Variants in TUBB1 observed in about 807,000 individuals in gnomAD.
TUBB1 encodes tubulin beta 1 class VI.
In TUBB1, 28 loss-of-function variants were observed where a neutral mutation model predicts 22.6. That is an observed-to-expected ratio of 1.24 (90% CI 0.92 to 1.70). The LOEUF is 1.70. Ranked by LOEUF, TUBB1 falls within the 40% of genes most tolerant of loss-of-function variation. The pLI is 0.00. For missense variants in TUBB1, 577 were observed against 605.5 expected, an observed-to-expected ratio of 0.95 and a Z score of 0.49; for synonymous variants, 226 against 238.0, an observed-to-expected ratio of 0.95 and a Z score of 0.46.
intron 1 of TUBB1, 116 bp from the exon 2 acceptor site, chr20:59,022,729 T>A: frequency 1.2e-6 from 1 of 856,756 alleles, no homozygotes; most frequent in Non-Finnish European, 2.0e-6. Context: ...CCTAAAAGAA[T>A]GTCTTGGGGA....
At chr20:59,020,625 TA>T (rs761525853) in intron 1 of TUBB1, among the ~76,000 whole-genome samples, 6 of 152,180 alleles carry the variant, frequency 3.9e-5, no homozygotes, top group African/African-American at 4.8e-5. Context: ...TTGTAACGCT[TA>T]AAAAAAATCA....
rs775221566 is a variant in TUBB1 at position 59,024,489 on chromosome 20, C to A, written c.1062C>A (p.Cys354Ter). The change falls in exon 4 of 4, where the codon TGC becomes TGA. Residue 354 changes from cysteine (C) to a stop codon, truncating the protein, a stop_gained. Transcript: ENST00000217133. LOFTEE classifies it low-confidence loss of function (END_TRUNC). This position sits in a 1 kb window ranked among gnomAD's most constrained non-coding sequence, Gnocchi z 4.9. The stretch of plus-strand genomic sequence containing the variant: ...CCAACAACGTCAAGGTGGCTGTCTG[C>A]GACATCCCGCCCCGGGGGCTGAGCA... The part of the protein sequence containing the change: ...WIPNNVKVAV[C>*]DIPPRGLSMA... 1 of 1,614,190 alleles carries A rather than the reference C, an allele frequency of 6.2e-7. No homozygotes were observed. The highest frequency in any genetic ancestry group is 2.2e-5 in the East Asian group (1 of 44,882).
Position 59,022,759 on chromosome 20 carries a change from A to C in TUBB1, c.58-86A>C. On this transcript the variant is annotated intron_variant, in intron 1 of 3. Transcript: ENST00000217133. ...TGGGGAGGGTCAGGCAACCAGAGGG[A>C]AACAGGCTTGGGAATGCTAACTTTC... The C allele has an allele frequency of 2.4e-6, 3 of 1,255,654 alleles. No individual in the cohort carries two copies. The South Asian group carries it at 3.7e-5, about 16-fold the overall frequency. 77.8% of individuals were successfully genotyped at this position (1,255,654 alleles called of 1,614,324 possible). A position where few individuals can be genotyped will look rare whatever the true frequency, so the allele number is the denominator to read the frequency against.
At chr20:59,017,056 T>C (rs531893873), upstream of TUBB1, among the ~76,000 whole-genome samples, 27 of 152,324 alleles carry the variant, frequency 1.8e-4, 1 homozygote, top group South Asian at 3.7e-3. Flanking sequence ...TTTATCACGT[T>C]ATGTGGTTGT....
chr20:59,024,510 G>A lies in TUBB1; in HGVS notation c.1083G>A (p.Leu361=), dbSNP rs751906254. Residue 361 remains leucine, a synonymous_variant, in exon 4 of 4, where the codon CTG becomes CTA. Transcript: ENST00000217133. This position sits in a 1 kb window ranked among gnomAD's most constrained non-coding sequence, Gnocchi z 4.9. ...TCTGCGACATCCCGCCCCGGGGGCT[G>A]AGCATGGCCGCCACCTTCATTGGCA... ...VAVCDIPPRG[L]SMAATFIGNN... The A allele has an allele frequency of 1.2e-6, 2 of 1,614,198 alleles. No homozygotes were observed. Among genetic ancestry groups the A allele is most frequent in the South Asian group, 1.1e-5 (1 of 91,082 alleles).
At chr20:59,022,316 C>CAAAAAA (rs10590022) in intron 1 of TUBB1, among the ~76,000 whole-genome samples, 1 of 104,394 alleles carries the variant, frequency 9.6e-6, no homozygotes, top group Non-Finnish European at 2.1e-5. Context: ...AAGACTCCAT[C>CAAAAAA]AAAAAAAAAA....
At chr20:59,016,686 C>T (rs953386059), upstream of TUBB1, among the ~76,000 whole-genome samples, 7 of 152,102 alleles carry the variant, frequency 4.6e-5, no homozygotes, top group African/African-American at 1.7e-4. Context: ...ACAGAATGGT[C>T]TATTCTTAAT....
At chr20:59,016,917 C>T (rs904152898), upstream of TUBB1, among the ~76,000 whole-genome samples, 1 of 152,142 alleles carries the variant, frequency 6.6e-6, no homozygotes, top group Non-Finnish European at 1.5e-5. Context: ...AGTCATGTGA[C>T]ATTCAGGTTT....
upstream of TUBB1, among the ~76,000 whole-genome samples, chr20:59,017,491 A>G (rs549639655): frequency 1.3e-5 from 2 of 152,312 alleles, no homozygotes; most frequent in East Asian, 3.9e-4. Flanking sequence ...TTTGGGAGTA[A>G]GCAGAAGCGA....
chr20:59,023,623 A>G, intron 3 of TUBB1, 23 bp downstream of exon 3: 1 of 1,613,996 alleles, frequency 6.2e-7, no homozygotes, highest in Admixed American at 1.7e-5. Context: ...AGAAGGTTCC[A>G]CCAGGAGGAG....
At chr20:59,023,395 A>AT (rs906571629) in intron 2 of TUBB1, 95 bp from the exon 3 acceptor site, 76 of 1,156,894 alleles carry the variant, frequency 6.6e-5, no homozygotes, top group Non-Finnish European at 8.6e-5. Flanking sequence ...AATATCCATG[A>AT]TTTTTTTTGG....
chr20:59,019,628 G>A (rs1416444052), intron 1 of TUBB1, 49 bp downstream of exon 1: 2 of 1,593,924 alleles, frequency 1.3e-6, no homozygotes, highest in African/African-American at 1.3e-5. Context: ...GTCCATAGAG[G>A]CGGACAACCA....
chr20:59,024,167 A>C lies in TUBB1; in HGVS notation c.740A>C (p.Asn247Thr). The change falls in exon 4 of 4, where the codon AAC becomes ACC. Residue 247 changes from asparagine to threonine, a missense_variant. Transcript: ENST00000217133. This position sits in a 1 kb window ranked among gnomAD's most constrained non-coding sequence, Gnocchi z 4.9. ...TCCCTCCGGTTCCCGGGTCAGCTCA[A>C]CGCAGACCTGCGCAAGCTGGCGGTG... ...TTSLRFPGQL[N>T]ADLRKLAVNM... The C allele has an allele frequency of 1.2e-6, 2 of 1,614,180 alleles. No homozygotes were observed. The highest frequency in any genetic ancestry group is 1.7e-6 in the Non-Finnish European group (2 of 1,180,032).
rs761692558 is a variant in TUBB1 at position 59,022,952 on chromosome 20, C to T, written c.165C>T (p.Tyr55=). The part of the protein sequence containing the change: ...ERISVYYNEA[Y]GRKYVPRAVL... ...TCAGCGTGTACTACAACGAAGCCTA[C>T]GGTAGGACTGGCGGGGCTCTGGGAG... Residue 55 remains tyrosine, a splice_region_variant and synonymous_variant, in exon 2 of 4, where the codon TAC becomes TAT. Coordinates refer to ENST00000217133, the MANE Select transcript of TUBB1 (RefSeq NM_030773.4). 3.0e-5 allele frequency: 49 copies of T among 1,613,248 alleles called. No homozygotes were observed. The highest frequency in any genetic ancestry group is 9.9e-5 in the South Asian group (9 of 91,052).
In TUBB1 at chr20:59,024,431, C is replaced by A; in HGVS notation, c.1004C>A (p.Thr335Asn). ...EVDQQLLSVQ[T>N]RNSSCFVEWI... ...GACCAGCAACTGCTCTCCGTGCAGACCAGGAACAGCAGCTGCTTTGTGGAG... is the reference window on the plus strand; with the variant it reads ...GACCAGCAACTGCTCTCCGTGCAGAACAGGAACAGCAGCTGCTTTGTGGAG... Residue 335 changes from threonine to asparagine, a missense_variant, in exon 4 of 4, where the codon ACC (threonine) becomes AAC (asparagine). Thr to Asn is a moderately conservative substitution (Grantham distance 65, BLOSUM62 0). Coordinates refer to ENST00000217133, the MANE Select transcript of TUBB1 (RefSeq NM_030773.4). This position sits in a 1 kb window ranked among gnomAD's most constrained non-coding sequence, Gnocchi z 4.9. 6.2e-7 allele frequency: 1 copy of A among 1,614,166 alleles called. No individual in the cohort carries two copies. The highest frequency in any genetic ancestry group is 8.5e-7 in the Non-Finnish European group (1 of 1,180,010).
At position 59,023,429 on chromosome 20, in the gene TUBB1, T is replaced by C. The variant is rs969749213; in HGVS notation, c.167-61T>C. The C allele has an allele frequency of 7.3e-6, 11 of 1,508,490 alleles. No homozygotes were observed. In the Admixed American group the frequency reaches 1.7e-4, roughly 23 times the overall value. The allele number at this position is 1,508,490 out of a possible 1,614,324, so 93.4% of individuals were successfully genotyped here. Reference sequence around the variant, plus strand: ...GGACCAGTATCACAAAGTTCTATTTTGATAAAACATTAACTTTTAGAAAAA... The same window carrying C: ...GGACCAGTATCACAAAGTTCTATTTCGATAAAACATTAACTTTTAGAAAAA... On this transcript the variant is annotated intron_variant, in intron 2 of 3. Coordinates refer to ENST00000217133, the MANE Select transcript of TUBB1 (RefSeq NM_030773.4).
rs374303737 is a variant in TUBB1 at position 59,022,967 on chromosome 20, G to T, written c.166+14G>T. ...ACGAAGCCTACGGTAGGACTGGCGG[G>T]GCTCTGGGAGCAGTGGTCCCGCAAC... is the stretch of plus-strand genomic sequence containing the variant. On this transcript the variant is annotated intron_variant, in intron 2 of 3. Coordinates refer to ENST00000217133, the MANE Select transcript of TUBB1 (RefSeq NM_030773.4). 6 of 1,608,946 alleles carry T rather than the reference G, an allele frequency of 3.7e-6. No individual in the cohort carries two copies. The highest frequency in any genetic ancestry group is 5.1e-6 in the Non-Finnish European group (6 of 1,176,170).
rs201603899 is a variant in TUBB1 at position 59,019,539 on chromosome 20, A to G, written c.17A>G (p.His6Arg). The change falls in exon 1 of 4, where the codon CAT becomes CGT. Residue 6 changes from histidine to arginine, a missense_variant. Physicochemically the swap from His to Arg is conservative, Grantham distance 29. Transcript: ENST00000217133. ...AGAGCAAGGATGCGTGAAATTGTCC[A>G]TATTCAGATTGGCCAGTGTGGCAAC... MREIV[H>R]IQIGQCGNQI... 4.3e-5 allele frequency: 69 copies of G among 1,614,108 alleles called. No individual in the cohort carries two copies. Among genetic ancestry groups the G allele is most frequent in the Non-Finnish European group, 5.4e-5 (64 of 1,180,046 alleles).
intron 2 of TUBB1, among the ~76,000 whole-genome samples, 180 bp downstream of exon 2, chr20:59,023,133 G>A (rs1435083340): frequency 1.3e-5 from 2 of 152,176 alleles, no homozygotes; most frequent in African/African-American, 4.8e-5. Flanking sequence ...ACGCAGGAAT[G>A]GGGAAGGAGC....
Sources: allele counts gnomAD v4.1 joint callset (sites outside exome capture counted in the v4.1 genomes callset), GRCh38; gene constraint gnomAD v4.1.1; non-coding constraint Gnocchi (gnomAD v3.1); transcripts MANE v1.5; gene names NCBI Gene and HGNC (gene_info 2026-07-23, HGNC 2026-07-21).